NUBPL: variants seen among roughly 807,000 people sequenced by gnomAD.
NUBPL encodes the protein iron-sulfur cluster transfer protein NUBPL.
NUBPL carries 31 observed loss-of-function variants against 45.7 expected under a neutral mutation model. The ratio of observed to expected loss-of-function variants is 0.68; its 90% CI spans 0.51 to 0.92. The LOEUF is 0.92. Ranked by LOEUF, NUBPL falls within the 40% of genes least tolerant of loss-of-function variation. The pLI is 0.00. For missense variants in NUBPL, 401 were observed against 398.7 expected, an observed-to-expected ratio of 1.01 and a Z score of -0.05; for synonymous variants, 144 against 140.9, an observed-to-expected ratio of 1.02 and a Z score of -0.15.
chr14:31,730,036 T>C (rs2038015390), intron 6 of NUBPL, among the ~76,000 whole-genome samples: 1 of 152,168 alleles, frequency 6.6e-6, no homozygotes, highest in Non-Finnish European at 1.5e-5. Flanking sequence ...ATTCCCAGTT[T>C]ACAGAGATTT....
chr14:31,705,664 A>G (rs933087262), intron 6 of NUBPL, among the ~76,000 whole-genome samples: 2 of 151,862 alleles, frequency 1.3e-5, no homozygotes, highest in South Asian at 2.1e-4. Context: ...TGATTGGTGC[A>G]TTTACAAACC....
In NUBPL at chr14:31,860,330, C is replaced by G. The variant is rs1008999146; in HGVS notation, c.*1150C>G. 10 of 132,312 alleles carry G rather than the reference C, an allele frequency of 7.6e-5. No homozygotes were observed. Among genetic ancestry groups the G allele is most frequent in the Admixed American group, 7.6e-5 (1 of 13,168 alleles). The allele number at this position is 132,312 out of a possible 1,614,324, so 8.2% of individuals were successfully genotyped here. Reference sequence around the variant, plus strand: ...AAAAAAAAAAAAAAAAAAAAAAAGTCGGGGGAGATGCAATATTTAGCATTT... The same window carrying G: ...AAAAAAAAAAAAAAAAAAAAAAAGTGGGGGGAGATGCAATATTTAGCATTT... On this transcript the variant is annotated 3_prime_UTR_variant, in exon 11 of 11. Transcript: ENST00000281081.
intron 6 of NUBPL, among the ~76,000 whole-genome samples, chr14:31,724,451 A>G (rs1174709464): frequency 1.5e-3 from 2 of 1,318 alleles, no homozygotes; most frequent in Non-Finnish European, 0.036. Flanking sequence ...CAGGTTTTTA[A>G]AAATGTCCTA....
chr14:31,754,696 AT>A (rs528403331), intron 6 of NUBPL, among the ~76,000 whole-genome samples: 1,584 of 136,444 alleles, frequency 0.012, 33 homozygotes, highest in African/African-American at 0.04. Context: ...CAAAAAAAAA[AT>A]TTTTTTTATT....
intron 7 of NUBPL, among the ~76,000 whole-genome samples, chr14:31,819,784 T>C (rs2039983740): frequency 6.6e-6 from 1 of 152,202 alleles, no homozygotes; most frequent in African/African-American, 2.4e-5. Context: ...TTATAAGTTG[T>C]GAATTAGCAT....
Position 31,798,791 on chromosome 14 carries a change from CAAAAAAAAAAAAAAAAAA to C in NUBPL, c.607+10927_607+10944del, listed in dbSNP as rs1164176250. On this transcript the variant is annotated intron_variant, in intron 7 of 10. Coordinates refer to ENST00000281081, the MANE Select transcript of NUBPL (RefSeq NM_025152.3). ...TGGGTGACAGAGCAAGACTCCGTCT[CAAAAAAAAAAAAAAAAAA>C]AAAAAAAAGAAATTATCTTATTTAC... 9.4e-3 allele frequency among the ~76,000 whole-genome samples: 505 copies of C among 53,564 alleles called. 2 individuals carry two copies. Among genetic ancestry groups the C allele is most frequent in the Admixed American group, 0.013 (44 of 3,288 alleles). The allele number at this position is 53,564 out of a possible 152,430, so 35.1% of individuals were successfully genotyped here.
intron 4 of NUBPL, among the ~76,000 whole-genome samples, chr14:31,637,097 G>C (rs1341441960): frequency 6.6e-6 from 1 of 152,042 alleles, no homozygotes; most frequent in Non-Finnish European, 1.5e-5. Flanking sequence ...CTTCAGTTCT[G>C]CTCCGATTTT....
At chr14:31,704,981 C>T (rs142477154) in intron 6 of NUBPL, among the ~76,000 whole-genome samples, 10,044 of 152,180 alleles carry the variant, frequency 0.066, 424 homozygotes, top group Non-Finnish European at 0.091. Flanking sequence ...TTTGTGGTCT[C>T]GCTGACTTCA....
At chr14:31,572,592 C>A (rs1304721378) in intron 3 of NUBPL, among the ~76,000 whole-genome samples, 3 of 152,200 alleles carry the variant, frequency 2.0e-5, no homozygotes, top group African/African-American at 7.2e-5. Context: ...TGTAAAGTTT[C>A]GTTTTACTTT....
chr14:31,780,598 A>ATTAAG lies in NUBPL; in HGVS notation c.514-7181_514-7177dup, dbSNP rs141028704. On this transcript the variant is annotated intron_variant, in intron 6 of 10. Coordinates refer to ENST00000281081, the MANE Select transcript of NUBPL (RefSeq NM_025152.3). ...ATAACAATTAAGTTATGACTTAACG[A>ATTAAG]TTAAGACTTAAAAATAAAGTCTTAA... Among the ~76,000 whole-genome samples, 1,420 of 152,320 alleles carry ATTAAG rather than the reference A, an allele frequency of 9.3e-3. 25 individuals are homozygous for ATTAAG. The highest frequency in any genetic ancestry group is 0.032 in the African/African-American group (1,342 of 41,576).
At chr14:31,754,207 T>C (rs942765851) in intron 6 of NUBPL, among the ~76,000 whole-genome samples, 3 of 152,122 alleles carry the variant, frequency 2.0e-5, no homozygotes, top group African/African-American at 4.8e-5. Context: ...GAATGAGTAA[T>C]AGAATTATTG....
intron 6 of NUBPL, among the ~76,000 whole-genome samples, chr14:31,776,477 C>T (rs575089710): frequency 2.6e-4 from 39 of 152,320 alleles, no homozygotes; most frequent in African/African-American, 8.2e-4. Context: ...CAGAAGGAAA[C>T]GCTCAAATCT....
chr14:31,752,926 A>G (rs2038564557), intron 6 of NUBPL, among the ~76,000 whole-genome samples: 1 of 152,130 alleles, frequency 6.6e-6, no homozygotes, highest in South Asian at 2.1e-4. Context: ...GGCAATAAAC[A>G]GAGAGAGAGA....
chr14:31,634,070 GTTCT>G (rs1025211662), intron 4 of NUBPL, among the ~76,000 whole-genome samples: 3 of 151,386 alleles, frequency 2.0e-5, no homozygotes, highest in African/African-American at 7.3e-5. Flanking sequence ...GACAAAATCA[GTTCT>G]TTTTTTTTAA....
chr14:31,613,280 C>T (rs1237144584), intron 4 of NUBPL, among the ~76,000 whole-genome samples: 3 of 151,892 alleles, frequency 2.0e-5, no homozygotes, highest in Admixed American at 6.6e-5. Flanking sequence ...GTAGAAGGAT[C>T]GTTACCAGAG....
intron 4 of NUBPL, among the ~76,000 whole-genome samples, chr14:31,633,180 T>G (rs1237249989): frequency 1.3e-5 from 2 of 152,200 alleles, no homozygotes; most frequent in Admixed American, 1.3e-4. Flanking sequence ...GTCCTGTTTT[T>G]AGGTGCATAG....
intron 3 of NUBPL, among the ~76,000 whole-genome samples, chr14:31,572,635 G>A (rs1459612795): frequency 6.6e-6 from 1 of 152,176 alleles, no homozygotes; most frequent in African/African-American, 2.4e-5. Context: ...GGATGGAGGT[G>A]TTTGTTGCGA....
At chr14:31,799,832 A>G (rs1413263264) in intron 7 of NUBPL, among the ~76,000 whole-genome samples, 1 of 152,220 alleles carries the variant, frequency 6.6e-6, no homozygotes, top group Admixed American at 6.5e-5. Flanking sequence ...AAATAAGACA[A>G]CAAAGAAGTT....
intron 4 of NUBPL, among the ~76,000 whole-genome samples, chr14:31,626,887 G>A (rs1029413711): frequency 6.6e-6 from 1 of 152,154 alleles, no homozygotes; most frequent in African/African-American, 2.4e-5. Context: ...CCAGAAGGGT[G>A]TCTTCATGGG....
Sources: gnomAD v4.1 joint callset for allele counts (sites outside exome capture counted in the v4.1 genomes callset) on GRCh38, gnomAD v4.1.1 for gene constraint, MANE v1.5 for transcripts, NCBI Gene and HGNC (gene_info 2026-07-23, HGNC 2026-07-21) for gene names.